Variants in MDGA2 observed in about 807,000 individuals in gnomAD.
The protein encoded by MDGA2 is MAM domain containing glycosylphosphatidylinositol anchor 2, also known as MAM domain-containing glycosylphosphatidylinositol anchor protein 2.
MDGA2 carries 40 observed loss-of-function variants against 117.8 expected under a neutral mutation model. The observed-to-expected ratio is 0.34, with a 90% CI of 0.26 to 0.44. The LOEUF is 0.44. Ranked by LOEUF, MDGA2 falls within the 20% of genes least tolerant of loss-of-function variation. The pLI, the probability that MDGA2 is intolerant of heterozygous loss-of-function variation, is 1.00. For missense variants in MDGA2, 1,123 were observed against 1,250.6 expected (o/e 0.90, Z 1.54); for synonymous variants, 452 against 439.0 (o/e 1.03, Z -0.37).
intron 10 of MDGA2, among the ~76,000 whole-genome samples, chr14:46,913,373 T>C (rs1287698633): frequency 6.6e-6 from 1 of 152,146 alleles, no homozygotes; most frequent in Admixed American, 6.5e-5. Context: ...TCTCCACAGA[T>C]TTTCCTGGAC....
chr14:46,936,539 A>G (rs1884788261), intron 9 of MDGA2, among the ~76,000 whole-genome samples: 2 of 152,154 alleles, frequency 1.3e-5, no homozygotes, highest in African/African-American at 4.8e-5. Context: ...AATCTCACTT[A>G]CAATATATTA....
chr14:47,637,741 T>G (rs1897350074), intron 1 of MDGA2, among the ~76,000 whole-genome samples: 1 of 152,170 alleles, frequency 6.6e-6, no homozygotes, highest in South Asian at 2.1e-4. Flanking sequence ...TGCAAGTTAG[T>G]TTTTAGATAG....
intron 1 of MDGA2, among the ~76,000 whole-genome samples, chr14:47,543,212 C>T (rs1895388005): frequency 6.6e-6 from 1 of 151,670 alleles, no homozygotes; most frequent in Non-Finnish European, 1.5e-5. Flanking sequence ...CCTGTCCCAG[C>T]GACAACAGCA....
At chr14:47,404,685 G>T (rs1035900404) in intron 1 of MDGA2, among the ~76,000 whole-genome samples, 1 of 151,890 alleles carries the variant, frequency 6.6e-6, no homozygotes, top group Non-Finnish European at 1.5e-5. Flanking sequence ...GTGGAGATAG[G>T]GTCTCACTAT....
In MDGA2 at chr14:47,115,622, T is replaced by A. The variant is rs558370871; in HGVS notation, c.925+16092A>T. ...GCATCATTTGTTAAAAAGAAATGTA[T>A]CATTCAACATAAGAAAATCAATTAA... On this transcript the variant is annotated intron_variant, in intron 5 of 16. Transcript: ENST00000399232. 9.9e-5 allele frequency among the ~76,000 whole-genome samples: 15 copies of A among 152,104 alleles called. No homozygotes were observed. The South Asian group carries it at 3.1e-3, about 32-fold the overall frequency.
At chr14:47,407,790 T>C (rs1373801886) in intron 1 of MDGA2, among the ~76,000 whole-genome samples, 1 of 152,184 alleles carries the variant, frequency 6.6e-6, no homozygotes, top group Non-Finnish European at 1.5e-5. Flanking sequence ...ATACTGTATA[T>C]TGAGCAGCCA....
At chr14:47,150,659 C>T (rs1279005854) in intron 3 of MDGA2, among the ~76,000 whole-genome samples, 1 of 152,112 alleles carries the variant, frequency 6.6e-6, no homozygotes, top group Admixed American at 6.5e-5. Flanking sequence ...CGTGGTGGCT[C>T]ATGCCTGTAA....
At chr14:47,020,433 G>A (rs1006647845) in intron 8 of MDGA2, among the ~76,000 whole-genome samples, 3 of 152,170 alleles carry the variant, frequency 2.0e-5, no homozygotes, top group Non-Finnish European at 4.4e-5. Context: ...GATCGGGAAT[G>A]TCTTATGTAG....
chr14:46,907,291 TTCTAGCAAATCAGTTGTG>T (rs1883536285), intron 10 of MDGA2, among the ~76,000 whole-genome samples: 1 of 152,166 alleles, frequency 6.6e-6, no homozygotes, highest in Non-Finnish European at 1.5e-5. Context: ...TTGTCTTGCT[TTCTAGCAAATCAGTTGTG>T]GATTTTGCAT....
chr14:47,645,838 C>T (rs1246117614), intron 1 of MDGA2, among the ~76,000 whole-genome samples: 5 of 151,420 alleles, frequency 3.3e-5, no homozygotes, highest in African/African-American at 7.3e-5. Flanking sequence ...TCTGGGAAGC[C>T]GAGGCGGGTG....
intron 8 of MDGA2, among the ~76,000 whole-genome samples, chr14:47,028,242 T>C (rs1161097702): frequency 3.3e-5 from 5 of 152,132 alleles, no homozygotes; most frequent in African/African-American, 1.2e-4. Context: ...TTACCATTAA[T>C]GTTTCTAATA....
intron 8 of MDGA2, among the ~76,000 whole-genome samples, chr14:47,024,604 A>G (rs1355087385): frequency 6.6e-6 from 1 of 152,208 alleles, no homozygotes; most frequent in African/African-American, 2.4e-5. Context: ...ATCTTTTTCT[A>G]GAAAAACATT....
chr14:46,847,272 T>C (rs919538097), intron 15 of MDGA2, among the ~76,000 whole-genome samples: 3 of 152,078 alleles, frequency 2.0e-5, no homozygotes, highest in Admixed American at 2.0e-4. Context: ...CTTACTGATA[T>C]ACAGATATGA....
intron 1 of MDGA2, among the ~76,000 whole-genome samples, chr14:47,554,565 T>C (rs1306671619): frequency 6.6e-6 from 1 of 152,180 alleles, no homozygotes; most frequent in African/African-American, 2.4e-5. Flanking sequence ...ATAAATCTGT[T>C]TCCCTAATTG....
chr14:47,180,214 A>C (rs1290118434), intron 3 of MDGA2, among the ~76,000 whole-genome samples: 1 of 151,984 alleles, frequency 6.6e-6, no homozygotes, highest in Admixed American at 6.6e-5. Context: ...GCCCCAATGT[A>C]TGTTGTTCCC....
At chr14:46,851,778 A>C (rs1881064955) in intron 15 of MDGA2, among the ~76,000 whole-genome samples, 1 of 151,822 alleles carries the variant, frequency 6.6e-6, no homozygotes, top group South Asian at 2.1e-4. Flanking sequence ...GTAATATTAA[A>C]ACCTCTCAAA....
chr14:47,269,990 A>G (rs1006250958), intron 2 of MDGA2, among the ~76,000 whole-genome samples: 3 of 152,156 alleles, frequency 2.0e-5, no homozygotes, highest in African/African-American at 7.2e-5. Flanking sequence ...TATTACTGCC[A>G]CAGTTGGAAA....
chr14:47,528,638 G>C (rs908699913), intron 1 of MDGA2, among the ~76,000 whole-genome samples: 1 of 152,092 alleles, frequency 6.6e-6, no homozygotes, highest in East Asian at 1.9e-4. Flanking sequence ...TGTTTTAAAA[G>C]CTACATTTAA....
rs150002648 is a variant in MDGA2, at chr14:47,493,948, G to A, written c.280+180569C>T. 7.6e-3 allele frequency among the ~76,000 whole-genome samples: 1,160 copies of A among 152,184 alleles called. 14 individuals carry two copies. Among genetic ancestry groups the A allele is most frequent in the African/African-American group, 0.026 (1,095 of 41,526 alleles). On this transcript the variant is annotated intron_variant, in intron 1 of 16. Transcript: ENST00000399232. ...TTGAATTATAACCCGAATTGTAATC[G>A]TCAAGTGTTGGAGGAGGGACCTCGT...
Sources: allele counts gnomAD v4.1 joint callset (sites outside exome capture counted in the v4.1 genomes callset), GRCh38; gene constraint gnomAD v4.1.1; transcripts MANE v1.5; gene names NCBI Gene and HGNC (gene_info 2026-07-23, HGNC 2026-07-21).